CPQ: variants seen among roughly 807,000 people sequenced by gnomAD.
The protein encoded by CPQ is carboxypeptidase Q.
In CPQ, 37 loss-of-function variants were observed where a neutral mutation model predicts 45.7. The observed-to-expected ratio is 0.81, with a 90% CI of 0.62 to 1.07. The LOEUF (loss-of-function observed/expected upper bound fraction) is 1.07. Among genes scored for constraint, CPQ ranks in the 50% least tolerant of loss-of-function variants. The probability of loss-of-function intolerance (pLI) is 0.00; values close to 1 mark genes in which losing one functional copy is unlikely to be tolerated. For missense variants in CPQ, 537 were observed against 572.9 expected (o/e 0.94, Z 0.64); for synonymous variants, 186 against 205.8 (o/e 0.90, Z 0.82).
chr8:96,912,722 T>G (rs1812683454), intron 4 of CPQ, among the ~76,000 whole-genome samples: 1 of 152,176 alleles, frequency 6.6e-6, no homozygotes, highest in Non-Finnish European at 1.5e-5. Flanking sequence ...GAAGGAGTAT[T>G]AAGAGAAACA....
chr8:96,723,192 A>AT (rs1369254234), intron 1 of CPQ, among the ~76,000 whole-genome samples: 4 of 152,128 alleles, frequency 2.6e-5, no homozygotes, highest in African/African-American at 4.8e-5. Flanking sequence ...TAGGACAAGG[A>AT]TTTTTTTCTT....
chr8:96,683,964 T>A (rs908776042), intron 1 of CPQ, among the ~76,000 whole-genome samples: 49 of 152,314 alleles, frequency 3.2e-4, no homozygotes, highest in African/African-American at 1.1e-3. Context: ...TCTGTATTAT[T>A]TATCTGTGTT....
intron 1 of CPQ, among the ~76,000 whole-genome samples, chr8:96,688,511 G>A (rs963461438): frequency 6.6e-6 from 1 of 151,988 alleles, no homozygotes; most frequent in Non-Finnish European, 1.5e-5. Flanking sequence ...TTTCTGCTTT[G>A]TGGGGCGTGT....
At chr8:96,793,090 A>G (rs1380096283) in intron 2 of CPQ, among the ~76,000 whole-genome samples, 1 of 152,006 alleles carries the variant, frequency 6.6e-6, no homozygotes, top group Non-Finnish European at 1.5e-5. Context: ...GGTGGGACAC[A>G]GCCAAGCCAT....
rs529729509 is a variant in CPQ, at chr8:96,874,885, G to A, written c.642-4913G>A. 3.3e-5 allele frequency among the ~76,000 whole-genome samples: 5 copies of A among 152,006 alleles called. No homozygotes were observed. The South Asian group carries it at 8.3e-4, about 25-fold the overall frequency. ...GTAGAATTGCTGGGCCATGTGATAA[G>A]TACATGTTTAACTTTTTGAAGAACT... On this transcript the variant is annotated intron_variant, in intron 3 of 7. Coordinates refer to ENST00000220763, the MANE Select transcript of CPQ (RefSeq NM_016134.4).
At chr8:97,109,013 C>T (rs1029107314) in intron 7 of CPQ, among the ~76,000 whole-genome samples, 1 of 152,196 alleles carries the variant, frequency 6.6e-6, no homozygotes, top group Admixed American at 6.6e-5. Context: ...CAGAGATGCT[C>T]TCCTTCAAAT....
At chr8:97,086,172 T>G (rs1473473926) in intron 7 of CPQ, among the ~76,000 whole-genome samples, 1 of 152,180 alleles carries the variant, frequency 6.6e-6, no homozygotes, top group East Asian at 1.9e-4. Context: ...GTTAGAAATA[T>G]TTTGAAAATT....
At chr8:97,092,222 T>C (rs1369438067) in intron 7 of CPQ, 1 of 152,194 alleles carries the variant, frequency 6.6e-6, no homozygotes, top group Non-Finnish European at 1.5e-5. Context: ...TAACACCCAC[T>C]ACCTTTGAAA....
chr8:96,830,933 C>G (rs938830803), intron 2 of CPQ, among the ~76,000 whole-genome samples: 1 of 152,022 alleles, frequency 6.6e-6, no homozygotes, highest in Non-Finnish European at 1.5e-5. Flanking sequence ...AGAGCATGAC[C>G]CCTGGATTCA....
chr8:97,143,132 TG>T lies in CPQ; in HGVS notation c.1369del (p.Val457LeufsTer86). The T allele has an allele frequency of 1.2e-6, 2 of 1,614,076 alleles. No individual in the cohort carries two copies. Among genetic ancestry groups the T allele is most frequent in the Non-Finnish European group, 1.7e-6 (2 of 1,179,950 alleles). The part of the protein sequence containing the change: ...QMNVAAAVWA[V>X]VSYVVADMEE... Reference sequence around the variant, plus strand: ...TGAATGTTGCTGCTGCTGTTTGGGCTGTTGTTTCTTATGTTGTTGCAGACAT... The same window carrying T: ...TGAATGTTGCTGCTGCTGTTTGGGCTTTGTTTCTTATGTTGTTGCAGACAT... On this transcript the variant is annotated frameshift_variant, in exon 8 of 8. Transcript: ENST00000220763. LOFTEE classifies it high-confidence loss of function.
intron 6 of CPQ, among the ~76,000 whole-genome samples, chr8:97,052,038 G>T (rs1350805414): frequency 1.3e-5 from 2 of 152,112 alleles, no homozygotes; most frequent in African/African-American, 4.8e-5. Context: ...CCTCCTTGAG[G>T]ATTTCTAGTG....
At chr8:97,036,359 AC>A (rs1810007171) in intron 6 of CPQ, among the ~76,000 whole-genome samples, 1 of 152,222 alleles carries the variant, frequency 6.6e-6, no homozygotes, top group South Asian at 2.1e-4. Context: ...TTGATAAATT[AC>A]ATTTTTTAAA....
Position 97,141,620 on chromosome 8 carries a change from A to T in CPQ, c.1256-1400A>T, listed in dbSNP as rs543182792. Among the ~76,000 whole-genome samples the T allele has an allele frequency of 9.8e-5, 15 of 152,324 alleles. No individual in the cohort carries two copies. In the South Asian group the frequency reaches 2.9e-3, roughly 29 times the overall value. On this transcript the variant is annotated intron_variant, in intron 7 of 7. Coordinates refer to ENST00000220763, the MANE Select transcript of CPQ (RefSeq NM_016134.4). ...GGAAAACATTTTGGAATTGCACGGTAAAATTGAACACACACATACTCTATA... is the reference window on the plus strand; with the variant it reads ...GGAAAACATTTTGGAATTGCACGGTTAAATTGAACACACACATACTCTATA...
chr8:96,874,439 A>G (rs1812119902), intron 3 of CPQ, among the ~76,000 whole-genome samples: 1 of 151,820 alleles, frequency 6.6e-6, no homozygotes, highest in South Asian at 2.1e-4. Flanking sequence ...TCCCAAAAAG[A>G]AACCTCATAC....
chr8:96,885,689 C>G (rs1812295435), intron 4 of CPQ, among the ~76,000 whole-genome samples: 1 of 152,066 alleles, frequency 6.6e-6, no homozygotes, highest in Admixed American at 6.6e-5. Flanking sequence ...CCGAATTAAC[C>G]ACAGGCTTTA....
chr8:96,683,174 A>G (rs1586357378), intron 1 of CPQ, among the ~76,000 whole-genome samples: 1 of 151,818 alleles, frequency 6.6e-6, no homozygotes, highest in East Asian at 1.9e-4. Context: ...CAGATGTAGG[A>G]TTCCGTTAAG....
intron 6 of CPQ, among the ~76,000 whole-genome samples, chr8:97,064,287 G>A (rs1035446991): frequency 1.3e-5 from 2 of 152,136 alleles, no homozygotes; most frequent in African/African-American, 4.8e-5. Flanking sequence ...AGGGTTGTGG[G>A]TGTGGCAGGG....
chr8:96,818,740 G>A (rs1444401550), intron 2 of CPQ, among the ~76,000 whole-genome samples: 1 of 152,104 alleles, frequency 6.6e-6, no homozygotes. Context: ...ATCACCTGTA[G>A]TGTCAATATG....
At chr8:96,768,302 T>G (rs1341102927) in intron 1 of CPQ, among the ~76,000 whole-genome samples, 11 of 152,056 alleles carry the variant, frequency 7.2e-5, no homozygotes, top group African/African-American at 2.7e-4. Context: ...TTTTTTTTTT[T>G]GCAACCTTTG....
Sources: allele counts gnomAD v4.1 joint callset (sites outside exome capture counted in the v4.1 genomes callset), GRCh38; gene constraint gnomAD v4.1.1; transcripts MANE v1.5; gene names NCBI Gene and HGNC (gene_info 2026-07-23, HGNC 2026-07-21).